The following DLGAP2 variants were observed in gnomAD, a reference collection of about 807,000 sequenced individuals.
DLGAP2 encodes DLG associated protein 2, also known as disks large-associated protein 2.
Under a neutral mutation model 100.3 loss-of-function variants are expected in DLGAP2, and 26 were observed. The ratio of observed to expected loss-of-function variants is 0.26; its 90% CI spans 0.19 to 0.36. DLGAP2 has a LOEUF of 0.36. Among genes scored for constraint, DLGAP2 ranks in the 10% least tolerant of loss-of-function variants. The probability of loss-of-function intolerance (pLI) is 1.00; values close to 1 mark genes in which losing one functional copy is unlikely to be tolerated. For missense variants in DLGAP2, 1,858 were observed against 1,453.2 expected (o/e 1.28, Z -4.53); for synonymous variants, 886 against 630.1 (o/e 1.41, Z -6.08).
chr8:1,299,805 C>A (rs1372405458), intron 3 of DLGAP2: 1 of 152,184 alleles, frequency 6.6e-6, no homozygotes, highest in African/African-American at 2.4e-5. Context: ...TCTGAAGCAA[C>A]TTTCTTATGT....
rs149440942 is a variant in DLGAP2 at position 1,232,947 on chromosome 8, C to G, written c.74-25904C>G. 2.0e-3 allele frequency among the ~76,000 whole-genome samples: 304 copies of G among 152,296 alleles called. 2 individuals are homozygous for G. Among genetic ancestry groups the G allele is most frequent in the African/African-American group, 6.0e-3 (248 of 41,572 alleles). On this transcript the variant is annotated intron_variant, in intron 2 of 14. Transcript: ENST00000637795. ...CTCCCATTCTAGGCCCACCCCCTGC[C>G]CAGCCCTAGGAAGTCCCCAGTCTAC...
chr8:1,172,541 C>G (rs146561005), intron 2 of DLGAP2, among the ~76,000 whole-genome samples: 7,302 of 152,270 alleles, frequency 0.048, 478 homozygotes, highest in African/African-American at 0.14. Context: ...TAGATTTGGT[C>G]TTTTCACATA....
intron 2 of DLGAP2, among the ~76,000 whole-genome samples, chr8:1,146,567 A>G (rs1353200774): frequency 6.7e-6 from 1 of 149,712 alleles, no homozygotes; most frequent in African/African-American, 2.4e-5. Context: ...GTGTGTGCAC[A>G]TGTGTGTGTA....
At chr8:1,512,819 A>G (rs1283089854) in intron 4 of DLGAP2, among the ~76,000 whole-genome samples, 2 of 152,232 alleles carry the variant, frequency 1.3e-5, no homozygotes, top group African/African-American at 4.8e-5. Flanking sequence ...TTCTAAAGAC[A>G]GGTCACACTC....
chr8:775,490 C>T (rs1199050521), intron 1 of DLGAP2, among the ~76,000 whole-genome samples: 1 of 137,658 alleles, frequency 7.3e-6, no homozygotes, highest in Non-Finnish European at 1.6e-5. Flanking sequence ...GTGGGTTTGT[C>T]ATAGATAGCT....
intron 2 of DLGAP2, among the ~76,000 whole-genome samples, chr8:1,242,678 C>T (rs1798823032): frequency 6.6e-6 from 1 of 152,158 alleles, no homozygotes. Flanking sequence ...GCCCTCTCCT[C>T]CTTAATGGTA....
intron 2 of DLGAP2, among the ~76,000 whole-genome samples, chr8:1,070,304 A>T (rs1409286767): frequency 6.6e-6 from 1 of 152,158 alleles, no homozygotes; most frequent in Non-Finnish European, 1.5e-5. Flanking sequence ...GCAGGGACTT[A>T]GGCAGAGAAG....
At chr8:1,372,382 G>T (rs1802262286) in intron 3 of DLGAP2, among the ~76,000 whole-genome samples, 1 of 152,190 alleles carries the variant, frequency 6.6e-6, no homozygotes, top group African/African-American at 2.4e-5. Context: ...GACTCTGCAG[G>T]CGAGCAAAGC....
chr8:1,552,961 CT>C (rs1650091938), intron 5 of DLGAP2, among the ~76,000 whole-genome samples: 1 of 152,226 alleles, frequency 6.6e-6, no homozygotes, highest in South Asian at 2.1e-4. Context: ...TAAGGTCAAA[CT>C]TTTCATGAGC....
chr8:1,213,160 C>T (rs776634462), intron 2 of DLGAP2, among the ~76,000 whole-genome samples: 1 of 152,096 alleles, frequency 6.6e-6, no homozygotes, highest in Non-Finnish European at 1.5e-5. Context: ...TCATGATTTC[C>T]TTGCTGTGTG....
intron 12 of DLGAP2, among the ~76,000 whole-genome samples, chr8:1,686,051 C>A (rs983721923): frequency 1.3e-5 from 2 of 152,166 alleles, no homozygotes; most frequent in Non-Finnish European, 2.9e-5. Context: ...ACCATGTGAT[C>A]CAGTCATTGT....
Position 881,666 on chromosome 8 carries a change from A to ATGTATATATATATATATAT in DLGAP2, c.19-26246_19-26245insTGTATATATATATATATAT. On this transcript the variant is annotated intron_variant, in intron 1 of 14. Coordinates refer to ENST00000637795, the MANE Select transcript of DLGAP2 (RefSeq NM_001346810.2). The stretch of plus-strand genomic sequence containing the variant: ...AGGCGCACGCCACCACTTGTGGCTG[A>ATGTATATATATATATATAT]ACACACACACACACACTTTTTTTTT... Among the ~76,000 whole-genome samples the ATGTATATATATATATATAT allele has an allele frequency of 9.8e-4, 128 of 130,948 alleles. 3 individuals are homozygous for ATGTATATATATATATATAT. The highest frequency in any genetic ancestry group is 1.3e-3 in the Non-Finnish European group (75 of 59,034). The allele number at this position is 130,948 out of a possible 152,430, so 85.9% of individuals were successfully genotyped here. A position where few individuals can be genotyped will look rare whatever the true frequency, so the allele number is the denominator to read the frequency against.
intron 3 of DLGAP2, among the ~76,000 whole-genome samples, chr8:1,314,489 T>A (rs1156888000): frequency 6.6e-6 from 1 of 152,352 alleles, no homozygotes; most frequent in East Asian, 1.9e-4. Flanking sequence ...TTGGGATTTC[T>A]CCATCCAAAA....
intron 3 of DLGAP2, among the ~76,000 whole-genome samples, chr8:1,444,000 A>G (rs1196569793): frequency 6.6e-6 from 1 of 152,240 alleles, no homozygotes; most frequent in Non-Finnish European, 1.5e-5. Flanking sequence ...AAGCATGCCA[A>G]TTATGAGTTT....
Position 1,372,271 on chromosome 8 carries a change from G to A in DLGAP2, c.106+113388G>A, listed in dbSNP as rs536051392. 3.2e-3 allele frequency among the ~76,000 whole-genome samples: 482 copies of A among 151,488 alleles called. 2 individuals carry two copies. The highest frequency in any genetic ancestry group is 0.011 in the African/African-American group (445 of 41,282). On this transcript the variant is annotated intron_variant, in intron 3 of 14. Transcript: ENST00000637795. ...GGACGCTGGTCACCGTGCTGCCAAC[G>A]CTGGGACGCTGGTCACCGTGCTGCC... is the stretch of plus-strand genomic sequence containing the variant.
chr8:1,474,678 C>T (rs1403737372), intron 3 of DLGAP2, among the ~76,000 whole-genome samples: 4 of 152,106 alleles, frequency 2.6e-5, no homozygotes, highest in Non-Finnish European at 4.4e-5. Flanking sequence ...CAGTAAGATA[C>T]GATCTCACAT....
At chr8:1,369,173 A>T (rs1014802775) in intron 3 of DLGAP2, 5 of 152,214 alleles carry the variant, frequency 3.3e-5, no homozygotes, top group Admixed American at 3.3e-4. Context: ...AAAGCTTTCA[A>T]GGCTGGTGTT....
chr8:1,218,605 G>C (rs1265544841), intron 2 of DLGAP2, among the ~76,000 whole-genome samples: 1 of 151,926 alleles, frequency 6.6e-6, no homozygotes, highest in Non-Finnish European at 1.5e-5. Flanking sequence ...TTGGACTTTT[G>C]TGGCTATTCA....
At chr8:1,025,723 CA>C (rs2129026225) in intron 2 of DLGAP2, among the ~76,000 whole-genome samples, 1 of 152,142 alleles carries the variant, frequency 6.6e-6, no homozygotes, top group East Asian at 1.9e-4. Context: ...TTGAAAGAAG[CA>C]AAAGGAACAA....
Sources: allele counts gnomAD v4.1 joint callset (sites outside exome capture counted in the v4.1 genomes callset), GRCh38; gene constraint gnomAD v4.1.1; transcripts MANE v1.5; gene names NCBI Gene and HGNC (gene_info 2026-07-23, HGNC 2026-07-21).